Variants in UPP2 observed in about 807,000 individuals in gnomAD.
UPP2 encodes the protein uridine phosphorylase 2.
UPP2 carries 23 observed loss-of-function variants against 26.7 expected under a neutral mutation model. That is an observed-to-expected ratio of 0.86 (90% CI 0.62 to 1.22). UPP2 has a LOEUF of 1.22. UPP2 is among the 50% of genes most tolerant of loss of function. The probability of loss-of-function intolerance (pLI) is 0.00; values close to 1 mark genes in which losing one functional copy is unlikely to be tolerated. For synonymous variants in UPP2, 127 were observed against 141.3 expected, an observed-to-expected ratio of 0.90 and a Z score of 0.72; for missense variants, 387 against 396.7, an observed-to-expected ratio of 0.98 and a Z score of 0.21.
intron 3 of UPP2, among the ~76,000 whole-genome samples, chr2:158,028,470 T>C (rs1401736354): frequency 6.6e-6 from 1 of 152,224 alleles, no homozygotes; most frequent in Non-Finnish European, 1.5e-5. Flanking sequence ...ATTGTCCATA[T>C]CACTAATAGG....
chr2:158,090,302 C>A (rs1682889079), intron 3 of UPP2, among the ~76,000 whole-genome samples: 1 of 152,120 alleles, frequency 6.6e-6, no homozygotes, highest in South Asian at 2.1e-4. Flanking sequence ...GGGATCTAGA[C>A]CATCCTGGCT....
intron 3 of UPP2, among the ~76,000 whole-genome samples, chr2:158,018,730 C>A (rs1011457810): frequency 7.2e-5 from 11 of 152,186 alleles, no homozygotes; most frequent in Non-Finnish European, 1.3e-4. Context: ...AAAAGGATAT[C>A]TTTTCCCTTT....
chr2:158,083,270 G>A lies in UPP2; in HGVS notation c.148-18770G>A, dbSNP rs192365059. Reference sequence around the variant, plus strand: ...ACACATGCACACGTATGTTTATTGCGGCACTGTTCACAATAGCAAAGACTT... The same window carrying A: ...ACACATGCACACGTATGTTTATTGCAGCACTGTTCACAATAGCAAAGACTT... On this transcript the variant is annotated intron_variant, in intron 3 of 9. Coordinates refer to the UPP2 transcript ENST00000605860. Among the ~76,000 whole-genome samples, 142 of 152,074 alleles carry A rather than the reference G, an allele frequency of 9.3e-4. 1 individual carries two copies. The highest frequency in any genetic ancestry group is 6.8e-3 in the Middle Eastern group (2 of 294).
At chr2:158,020,584 C>A (rs1683733771) in intron 3 of UPP2, among the ~76,000 whole-genome samples, 1 of 152,228 alleles carries the variant, frequency 6.6e-6, no homozygotes, top group Admixed American at 6.5e-5. Context: ...GGAAGAAGGA[C>A]AGATGCAACA....
chr2:158,001,685 C>G (rs962724271), intron 2 of UPP2, among the ~76,000 whole-genome samples: 1 of 152,076 alleles, frequency 6.6e-6, no homozygotes, highest in Non-Finnish European at 1.5e-5. Flanking sequence ...GATGAAATAA[C>G]TTATTCCTGG....
chr2:158,108,580 ATCTC>A (rs1397424678), intron 2 of UPP2, among the ~76,000 whole-genome samples: 1 of 151,806 alleles, frequency 6.6e-6, no homozygotes, highest in Non-Finnish European at 1.5e-5. Flanking sequence ...ACATGTATGT[ATCTC>A]TCTCACACAC....
intron 4 of UPP2, among the ~76,000 whole-genome samples, chr2:158,121,095 CTTAT>C (rs966447967): frequency 2.6e-5 from 4 of 151,936 alleles, no homozygotes; most frequent in Non-Finnish European, 4.4e-5. Context: ...TGCTGGCAGG[CTTAT>C]TTAGTTTTTT....
intron 2 of UPP2, among the ~76,000 whole-genome samples, chr2:158,112,281 C>T (rs578250116): frequency 6.6e-6 from 1 of 151,990 alleles, no homozygotes; most frequent in Non-Finnish European, 1.5e-5. Flanking sequence ...AGAACAGAAC[C>T]AAGAGACCAG....
intron 3 of UPP2, among the ~76,000 whole-genome samples, chr2:158,037,360 C>A (rs1377795187): frequency 1.3e-5 from 2 of 151,840 alleles, no homozygotes; most frequent in Admixed American, 1.3e-4. Context: ...GGGCAACAGG[C>A]TGGAGACTGT....
chr2:158,008,812 A>G (rs1683532668), intron 2 of UPP2, among the ~76,000 whole-genome samples: 1 of 152,226 alleles, frequency 6.6e-6, no homozygotes, highest in South Asian at 2.1e-4. Flanking sequence ...ATGCCATTTC[A>G]AATATCCTTT....
At chr2:158,070,224 T>A (rs1682516645) in intron 3 of UPP2, among the ~76,000 whole-genome samples, 1 of 152,192 alleles carries the variant, frequency 6.6e-6, no homozygotes, top group Non-Finnish European at 1.5e-5. Flanking sequence ...CAAATTACCG[T>A]GTGGACTCTG....
chr2:158,093,404 C>T (rs1343564546), intron 3 of UPP2, among the ~76,000 whole-genome samples: 2 of 151,548 alleles, frequency 1.3e-5, no homozygotes, highest in Non-Finnish European at 2.9e-5. Flanking sequence ...TTTTGAAAAT[C>T]CATTGATGTA....
chr2:158,121,195 C>T (rs941521823), intron 4 of UPP2, among the ~76,000 whole-genome samples: 1 of 151,904 alleles, frequency 6.6e-6, no homozygotes, highest in African/African-American at 2.4e-5. Context: ...AATCTAAACC[C>T]CATCACATTG....
chr2:158,060,607 T>A (rs905456174), intron 3 of UPP2, among the ~76,000 whole-genome samples: 21 of 152,234 alleles, frequency 1.4e-4, no homozygotes, highest in African/African-American at 5.1e-4. Flanking sequence ...GTTTGTGCTA[T>A]GGACTAAACT....
intron 3 of UPP2, among the ~76,000 whole-genome samples, chr2:158,080,273 T>C (rs1423624997): frequency 6.6e-6 from 1 of 152,148 alleles, no homozygotes; most frequent in African/African-American, 2.4e-5. Context: ...TGCATAGTAA[T>C]TATTATTATT....
At chr2:158,056,634 C>T (rs1285857624) in intron 3 of UPP2, among the ~76,000 whole-genome samples, 1 of 152,166 alleles carries the variant, frequency 6.6e-6, no homozygotes, top group Non-Finnish European at 1.5e-5. Flanking sequence ...CCAGGGCTTA[C>T]AGCAACATAT....
chr2:158,055,524 A>T (rs1392275481), intron 3 of UPP2, among the ~76,000 whole-genome samples: 1 of 152,164 alleles, frequency 6.6e-6, no homozygotes, highest in Non-Finnish European at 1.5e-5. Flanking sequence ...GTCCTCAAGG[A>T]TATACATCCT....
intron 3 of UPP2, among the ~76,000 whole-genome samples, chr2:158,048,689 G>C (rs939891020): frequency 6.6e-6 from 1 of 152,200 alleles, no homozygotes; most frequent in African/African-American, 2.4e-5. Context: ...GTAGTGCACA[G>C]TCTCTCTTCT....
At chr2:158,029,144 T>C (rs1467881393) in intron 3 of UPP2, among the ~76,000 whole-genome samples, 1 of 152,224 alleles carries the variant, frequency 6.6e-6, no homozygotes, top group East Asian at 1.9e-4. Flanking sequence ...AATGGTTCAA[T>C]GGTAAAGTAA....
Sources: allele counts gnomAD v4.1 joint callset (sites outside exome capture counted in the v4.1 genomes callset), GRCh38; gene constraint gnomAD v4.1.1; transcripts MANE v1.5; gene names NCBI Gene and HGNC (gene_info 2026-07-23, HGNC 2026-07-21).